Variants in ETS1 observed in about 807,000 individuals in gnomAD.
ETS1 encodes the protein ETS proto-oncogene 1, transcription factor.
In ETS1, 15 loss-of-function variants were observed where a neutral mutation model predicts 58.6. The observed-to-expected ratio is 0.26, with a 90% CI of 0.17 to 0.39. The LOEUF (loss-of-function observed/expected upper bound fraction) is 0.39. ETS1 is among the 10% of genes least tolerant of loss of function. ETS1 has a pLI of 1.00. For missense variants in ETS1, 417 were observed against 610.5 expected, an observed-to-expected ratio of 0.68 and a Z score of 3.34; for synonymous variants, 214 against 218.2, an observed-to-expected ratio of 0.98 and a Z score of 0.17.
At chr11:128,571,501 CAAAAAAAAAAA>C (rs563312769) in intron 2 of ETS1, among the ~76,000 whole-genome samples, 7 of 32,894 alleles carry the variant, frequency 2.1e-4, no homozygotes, top group East Asian at 1.5e-3. Context: ...AAGACTCCGT[CAAAAAAAAAAA>C]AAAAAAAAAA....
chr11:128,492,884 T>C (rs1162998192), intron 3 of ETS1, among the ~76,000 whole-genome samples: 6 of 152,212 alleles, frequency 3.9e-5, no homozygotes, highest in East Asian at 1.9e-4. Context: ...TCCCAGCACA[T>C]GGCTAAACAC....
chr11:128,536,661 C>T (rs1863977455), intron 3 of ETS1: 1 of 152,212 alleles, frequency 6.6e-6, no homozygotes, highest in African/African-American at 2.4e-5. Context: ...AGAAGCCTCT[C>T]ATTAGGAGGA....
At chr11:128,486,525 C>T (rs772478455) in intron 5 of ETS1, among the ~76,000 whole-genome samples, 5 of 152,180 alleles carry the variant, frequency 3.3e-5, no homozygotes, top group African/African-American at 1.2e-4. Flanking sequence ...AATCCCCAAC[C>T]CCCAAACTAA....
chr11:128,581,940 A>C (rs1864878788), intron 1 of ETS1, among the ~76,000 whole-genome samples: 1 of 152,222 alleles, frequency 6.6e-6, no homozygotes. Flanking sequence ...AAAAGATACC[A>C]GCTGCCTTAG....
At chr11:128,552,945 C>T (rs1325765066) in intron 3 of ETS1, among the ~76,000 whole-genome samples, 2 of 152,114 alleles carry the variant, frequency 1.3e-5, no homozygotes, top group African/African-American at 4.8e-5. Context: ...AAAAATGATT[C>T]TTGTTATGGT....
At position 128,515,580 on chromosome 11, in the gene ETS1, C is replaced by T. The variant is rs148953120; in HGVS notation, c.215-25004G>A. ...AAGATATTCTAGAAAGTACGATTGA[C>T]CAAATTTAGTGTCTAACTCGGGTGG... On this transcript the variant is annotated intron_variant, in intron 3 of 9. Coordinates refer to ENST00000392668, the MANE Select transcript of ETS1 (RefSeq NM_001143820.2). Among the ~76,000 whole-genome samples the T allele has an allele frequency of 1.8e-4, 27 of 152,296 alleles. No homozygotes were observed. The East Asian group carries it at 4.6e-3, about 26-fold the overall frequency.
At chr11:128,489,723 A>G (rs576044026) in intron 4 of ETS1, among the ~76,000 whole-genome samples, 1 of 152,306 alleles carries the variant, frequency 6.6e-6, no homozygotes, top group Admixed American at 6.5e-5. Flanking sequence ...ACTGCCAGCC[A>G]AAAAGTACCA....
chr11:128,520,172 C>G (rs923943534), intron 3 of ETS1, among the ~76,000 whole-genome samples: 5 of 152,064 alleles, frequency 3.3e-5, no homozygotes, highest in African/African-American at 1.2e-4. Context: ...AGTTACTTGC[C>G]CAGAGCTTAT....
chr11:128,495,413 C>T (rs1470908306), intron 3 of ETS1, among the ~76,000 whole-genome samples: 7 of 152,144 alleles, frequency 4.6e-5, no homozygotes, highest in Admixed American at 3.3e-4. Flanking sequence ...CAGCTAGCCC[C>T]GTAAGAACAT....
intron 3 of ETS1, among the ~76,000 whole-genome samples, chr11:128,511,672 C>T (rs902653574): frequency 1.3e-5 from 2 of 152,184 alleles, no homozygotes; most frequent in African/African-American, 4.8e-5. Context: ...GAAAAGAATG[C>T]CTTGTTGACA....
intron 2 of ETS1, among the ~76,000 whole-genome samples, chr11:128,566,624 A>C (rs1382233967): frequency 1.3e-5 from 2 of 152,170 alleles, no homozygotes. Flanking sequence ...TCTACTAAAA[A>C]TACAAAAAAT....
At chr11:128,497,600 C>T in intron 3 of ETS1, 1 of 984,918 alleles carries the variant, frequency 1.0e-6, no homozygotes, top group Non-Finnish European at 1.2e-6. Context: ...CCAATGAGCC[C>T]TTGACCATTA....
chr11:128,519,062 C>T (rs1863597446), intron 3 of ETS1, among the ~76,000 whole-genome samples: 1 of 152,176 alleles, frequency 6.6e-6, no homozygotes, highest in Admixed American at 6.5e-5. Flanking sequence ...AACCCAATGG[C>T]TATATTTGTT....
chr11:128,558,965 T>G, intron 2 of ETS1, among the ~76,000 whole-genome samples: 1 of 152,218 alleles, frequency 6.6e-6, no homozygotes, highest in Non-Finnish European at 1.5e-5. Flanking sequence ...GTATCAGAGT[T>G]GTAGGAATAG....
chr11:128,482,623 A>G (rs566698512), intron 7 of ETS1, among the ~76,000 whole-genome samples: 1 of 152,340 alleles, frequency 6.6e-6, no homozygotes, highest in African/African-American at 2.4e-5. Context: ...TTACAGCGGT[A>G]GGCAGCTTTC....
At chr11:128,542,103 C>G (rs1178765467) in intron 3 of ETS1, among the ~76,000 whole-genome samples, 1 of 152,182 alleles carries the variant, frequency 6.6e-6, no homozygotes, top group African/African-American at 2.4e-5. Context: ...TCTGGTGGAA[C>G]TGCTGATCAC....
At chr11:128,520,505 A>T (rs1477540938) in intron 3 of ETS1, among the ~76,000 whole-genome samples, 2 of 152,242 alleles carry the variant, frequency 1.3e-5, no homozygotes, top group Non-Finnish European at 2.9e-5. Flanking sequence ...TATGGTTTCA[A>T]TCAACTGACA....
chr11:128,557,015 C>A (rs915936002), intron 2 of ETS1, among the ~76,000 whole-genome samples: 2 of 152,124 alleles, frequency 1.3e-5, no homozygotes, highest in Non-Finnish European at 2.9e-5. Flanking sequence ...TTTATGAACT[C>A]CATAAAATAT....
chr11:128,461,397 C>T lies in ETS1; in HGVS notation c.*964G>A, dbSNP rs1016971626. The T allele has an allele frequency of 2.0e-5, 3 of 152,712 alleles. No individual in the cohort carries two copies. Among genetic ancestry groups the T allele is most frequent in the Admixed American group, 6.5e-5 (1 of 15,270 alleles). The allele number at this position is 152,712 out of a possible 1,614,324, so 9.5% of individuals were successfully genotyped here. A position where few individuals can be genotyped will look rare whatever the true frequency, so the allele number is the denominator to read the frequency against. On this transcript the variant is annotated 3_prime_UTR_variant, in exon 10 of 10. Coordinates refer to ENST00000392668, the MANE Select transcript of ETS1 (RefSeq NM_001143820.2). ...CAGTGCTCCTACGTTTACTGTCGTC[C>T]AAAACCAGGGATGCAAAATACATTC...
Sources: gnomAD v4.1 joint callset for allele counts (sites outside exome capture counted in the v4.1 genomes callset) on GRCh38, gnomAD v4.1.1 for gene constraint, MANE v1.5 for transcripts, NCBI Gene and HGNC (gene_info 2026-07-23, HGNC 2026-07-21) for gene names.